Variants in TENM2 observed in about 807,000 individuals in gnomAD.
TENM2 encodes teneurin-2.
TENM2 carries 52 observed loss-of-function variants against 245.2 expected under a neutral mutation model. The ratio of observed to expected loss-of-function variants is 0.21; its 90% CI spans 0.17 to 0.27. The LOEUF (loss-of-function observed/expected upper bound fraction) is 0.27, where lower values mean the gene tolerates loss of function less well. Among genes scored for constraint, TENM2 ranks in the 10% least tolerant of loss-of-function variants. TENM2 has a pLI of 1.00. For missense variants in TENM2, 3,046 were observed against 3,666.8 expected (o/e 0.83, Z 4.37); for synonymous variants, 1,363 against 1,438.9 (o/e 0.95, Z 1.19).
chr5:168,141,818 C>T (rs1024287110), intron 12 of TENM2, among the ~76,000 whole-genome samples: 2 of 152,174 alleles, frequency 1.3e-5, no homozygotes, highest in African/African-American at 4.8e-5. Context: ...TTTCAAAGGC[C>T]AGCTGAGGCT....
intron 2 of TENM2, among the ~76,000 whole-genome samples, chr5:167,739,980 G>C (rs1418549806): frequency 2.0e-5 from 3 of 152,158 alleles, no homozygotes; most frequent in East Asian, 3.9e-4. Flanking sequence ...ACTTGCTACA[G>C]ATGCTACTAA....
intron 3 of TENM2, among the ~76,000 whole-genome samples, chr5:167,880,736 A>C (rs184997459): frequency 1.2e-3 from 178 of 152,354 alleles, no homozygotes; most frequent in African/African-American, 4.1e-3. Context: ...CTTTCCATGT[A>C]AAAACAATTC....
chr5:167,229,681 C>T, the TENM2 span, among the ~76,000 whole-genome samples: 1 of 152,126 alleles, frequency 6.6e-6, no homozygotes, highest in African/African-American at 2.4e-5. Context: ...TCCCCATGTT[C>T]CTGGATGGGT....
the TENM2 span, among the ~76,000 whole-genome samples, chr5:167,045,012 G>T: frequency 1.3e-5 from 2 of 152,130 alleles, no homozygotes; most frequent in African/African-American, 2.4e-5. Context: ...TGATGGGGAA[G>T]AGAACACTAG....
Position 167,591,159 on chromosome 5 carries a change from A to C in TENM2, c.502+215686A>C, listed in dbSNP as rs542336995. Reference sequence around the variant, plus strand: ...ACACCAGCCTAGTGCAAAGCTCTGCAAAGAAAGGGTTCCTTGGTGGAGTGA... The same window carrying C: ...ACACCAGCCTAGTGCAAAGCTCTGCCAAGAAAGGGTTCCTTGGTGGAGTGA... On this transcript the variant is annotated intron_variant, in intron 2 of 28. Transcript: ENST00000518659. Among the ~76,000 whole-genome samples, 7 of 152,328 alleles carry C rather than the reference A, an allele frequency of 4.6e-5. No individual in the cohort carries two copies. The East Asian group carries it at 7.7e-4, about 17-fold the overall frequency.
At chr5:168,252,762 G>A (rs1426654583) in intron 27 of TENM2, among the ~76,000 whole-genome samples, 11 of 151,386 alleles carry the variant, frequency 7.3e-5, no homozygotes, top group East Asian at 6.0e-4. Context: ...CAAGAGAATC[G>A]CTTTAACTTG....
At chr5:167,814,790 C>T (rs1366138223) in intron 2 of TENM2, among the ~76,000 whole-genome samples, 1 of 151,746 alleles carries the variant, frequency 6.6e-6, no homozygotes, top group Non-Finnish European at 1.5e-5. Flanking sequence ...AAGTCAGAAA[C>T]AATAAGTCAA....
the TENM2 span, among the ~76,000 whole-genome samples, chr5:166,988,274 C>T: frequency 9.2e-5 from 14 of 152,070 alleles, no homozygotes; most frequent in African/African-American, 3.1e-4. Flanking sequence ...TCTTCTGTTC[C>T]TTGTTGATCT....
chr5:167,494,137 A>G (rs1204398119), intron 2 of TENM2, among the ~76,000 whole-genome samples: 1 of 152,172 alleles, frequency 6.6e-6, no homozygotes, highest in African/African-American at 2.4e-5. Flanking sequence ...TGTGACAGCC[A>G]GTGGAAACAG....
At chr5:167,835,117 G>A (rs1416516992) in intron 2 of TENM2, among the ~76,000 whole-genome samples, 1 of 152,194 alleles carries the variant, frequency 6.6e-6, no homozygotes, top group African/African-American at 2.4e-5. Flanking sequence ...TTATAAAAAT[G>A]CCCACATCAT....
chr5:167,890,777 C>A (rs1214497894), intron 3 of TENM2, among the ~76,000 whole-genome samples: 1 of 152,048 alleles, frequency 6.6e-6, no homozygotes, highest in Non-Finnish European at 1.5e-5. Context: ...TTGTTGGCAT[C>A]AATGATGATG....
At chr5:167,405,170 A>C (rs1762563311) in intron 2 of TENM2, among the ~76,000 whole-genome samples, 1 of 151,624 alleles carries the variant, frequency 6.6e-6, no homozygotes, top group African/African-American at 2.4e-5. Flanking sequence ...TAGCATGTTT[A>C]TTTTTTTTCA....
chr5:167,494,879 A>G (rs1480785769), intron 2 of TENM2, among the ~76,000 whole-genome samples: 3 of 152,148 alleles, frequency 2.0e-5, no homozygotes, highest in African/African-American at 7.2e-5. Context: ...ACCAACTGCA[A>G]TAATTCATAT....
chr5:167,261,168 C>T, the TENM2 span, among the ~76,000 whole-genome samples: 1 of 152,238 alleles, frequency 6.6e-6, no homozygotes, highest in South Asian at 2.1e-4. Flanking sequence ...TCTACTTTAA[C>T]ACAATCCCCA....
the TENM2 span, among the ~76,000 whole-genome samples, chr5:167,077,324 T>A: frequency 6.6e-6 from 1 of 152,046 alleles, no homozygotes; most frequent in South Asian, 2.1e-4. Context: ...CATATACCAT[T>A]TTTAAACTTT....
the TENM2 span, among the ~76,000 whole-genome samples, chr5:167,124,472 G>A: frequency 4.6e-5 from 7 of 152,226 alleles, no homozygotes; most frequent in African/African-American, 1.7e-4. Flanking sequence ...CCCATTGTAG[G>A]CATTCAATAT....
the TENM2 span, among the ~76,000 whole-genome samples, chr5:167,063,878 T>C: frequency 6.6e-6 from 1 of 152,156 alleles, no homozygotes; most frequent in Admixed American, 6.5e-5. Context: ...AAGCTTTGGA[T>C]AGTTAGGATT....
the TENM2 span, among the ~76,000 whole-genome samples, chr5:167,060,982 G>A: frequency 2.6e-5 from 4 of 151,966 alleles, no homozygotes; most frequent in African/African-American, 9.7e-5. Flanking sequence ...GAATATTTGA[G>A]GGAGTGTCTA....
At chr5:167,444,086 A>G (rs1004829293) in intron 2 of TENM2, among the ~76,000 whole-genome samples, 1 of 152,184 alleles carries the variant, frequency 6.6e-6, no homozygotes, top group Non-Finnish European at 1.5e-5. Context: ...ATGGTGGTAG[A>G]TAAGTAAGAT....
Sources: gnomAD v4.1 joint callset for allele counts (sites outside exome capture counted in the v4.1 genomes callset) on GRCh38, gnomAD v4.1.1 for gene constraint, MANE v1.5 for transcripts, NCBI Gene and HGNC (gene_info 2026-07-23, HGNC 2026-07-21) for gene names.